DLGAP2: variants seen among roughly 807,000 people sequenced by gnomAD.
The protein encoded by DLGAP2 is DLG associated protein 2, also known as disks large-associated protein 2.
DLGAP2 carries 26 observed loss-of-function variants against 100.3 expected under a neutral mutation model. The observed-to-expected ratio is 0.26, with a 90% confidence interval of 0.19 to 0.36. The LOEUF (loss-of-function observed/expected upper bound fraction) is 0.36. Ranked by LOEUF, DLGAP2 falls within the 10% of genes least tolerant of loss-of-function variation. DLGAP2 has a pLI of 1.00. For missense variants in DLGAP2, 1,858 were observed against 1,453.2 expected (o/e 1.28, Z -4.53); for synonymous variants, 886 against 630.1 (o/e 1.41, Z -6.08).
intron 1 of DLGAP2, among the ~76,000 whole-genome samples, chr8:842,358 C>G (rs1027622787): frequency 2.6e-5 from 4 of 152,216 alleles, no homozygotes; most frequent in African/African-American, 9.6e-5. Flanking sequence ...ATTTACTTTC[C>G]TGGCATATCT....
intron 2 of DLGAP2, among the ~76,000 whole-genome samples, chr8:1,230,991 A>C (rs1798523827): frequency 6.6e-6 from 1 of 152,208 alleles, no homozygotes. Flanking sequence ...CTGCAACAAA[A>C]ACATAAATTG....
At chr8:1,580,694 C>T (rs117259875) in intron 6 of DLGAP2, among the ~76,000 whole-genome samples, 1 of 152,058 alleles carries the variant, frequency 6.6e-6, no homozygotes, top group Admixed American at 6.5e-5. Flanking sequence ...ACACCACAGT[C>T]GAACTACCAG....
chr8:1,519,790 G>T (rs1368608742), intron 4 of DLGAP2, among the ~76,000 whole-genome samples: 1 of 152,288 alleles, frequency 6.6e-6, no homozygotes, highest in South Asian at 2.1e-4. Context: ...GCCCTGTGCT[G>T]CCTGTCACAG....
intron 2 of DLGAP2, among the ~76,000 whole-genome samples, chr8:921,476 T>C (rs1002824873): frequency 3.3e-5 from 5 of 152,222 alleles, no homozygotes; most frequent in African/African-American, 1.2e-4. Flanking sequence ...GATGCACGTC[T>C]ATGAGCATTT....
intron 2 of DLGAP2, among the ~76,000 whole-genome samples, chr8:1,069,489 G>C (rs767808873): frequency 6.6e-6 from 1 of 152,130 alleles, no homozygotes; most frequent in Admixed American, 6.5e-5. Flanking sequence ...AGCAACCGGG[G>C]ACTTGCATTT....
intron 4 of DLGAP2, among the ~76,000 whole-genome samples, chr8:1,522,154 T>TGGTTTCCACGCTTGGCATCTGA (rs1244577774): frequency 6.6e-6 from 1 of 152,214 alleles, no homozygotes; most frequent in Non-Finnish European, 1.5e-5. Context: ...GGAGCATCTT[T>TGGTTTCCACGCTTGGCATCTGA]GGTTTCCACG....
At chr8:1,693,166 T>C (rs1421336259) in intron 13 of DLGAP2, among the ~76,000 whole-genome samples, 3 of 148,090 alleles carry the variant, frequency 2.0e-5, no homozygotes, top group African/African-American at 7.4e-5. Context: ...ATTAACTACA[T>C]ATTTTATATA....
intron 2 of DLGAP2, among the ~76,000 whole-genome samples, chr8:1,149,285 A>G (rs956105781): frequency 1.3e-5 from 2 of 152,056 alleles, no homozygotes; most frequent in South Asian, 2.1e-4. Flanking sequence ...AGTTGGGACT[A>G]CAGGCACCCG....
intron 2 of DLGAP2, among the ~76,000 whole-genome samples, chr8:977,662 G>C (rs1037573843): frequency 6.6e-6 from 1 of 152,150 alleles, no homozygotes; most frequent in Non-Finnish European, 1.5e-5. Context: ...AATATAATTA[G>C]AACATTTTCC....
At chr8:1,150,141 T>A (rs1796672869) in intron 2 of DLGAP2, among the ~76,000 whole-genome samples, 1 of 152,228 alleles carries the variant, frequency 6.6e-6, no homozygotes, top group Non-Finnish European at 1.5e-5. Flanking sequence ...GCTCCCCTAA[T>A]TTTTGCTTTA....
intron 2 of DLGAP2, among the ~76,000 whole-genome samples, chr8:1,195,643 T>G (rs1301591159): frequency 6.6e-6 from 1 of 152,190 alleles, no homozygotes; most frequent in African/African-American, 2.4e-5. Flanking sequence ...ATTAAAAAAT[T>G]ATCTTCCAAA....
At chr8:1,579,806 A>C (rs554732910) in intron 6 of DLGAP2, among the ~76,000 whole-genome samples, 3 of 152,204 alleles carry the variant, frequency 2.0e-5, no homozygotes, top group African/African-American at 7.2e-5. Context: ...GACACGGTAC[A>C]TTGCCTAAGT....
chr8:1,117,097 C>A (rs1305476584), intron 2 of DLGAP2, among the ~76,000 whole-genome samples: 8 of 152,124 alleles, frequency 5.3e-5, no homozygotes. Flanking sequence ...GCAATTTCAT[C>A]TCCTTGGGAC....
At chr8:1,290,603 CACCAGAAAG>C (rs1563064038) in intron 3 of DLGAP2, among the ~76,000 whole-genome samples, 1 of 152,210 alleles carries the variant, frequency 6.6e-6, no homozygotes, top group Non-Finnish European at 1.5e-5. Flanking sequence ...ACAGCGGAGA[CACCAGAAAG>C]ACCAGAAAGG....
At chr8:968,872 A>G (rs1028914569) in intron 2 of DLGAP2, among the ~76,000 whole-genome samples, 1 of 152,026 alleles carries the variant, frequency 6.6e-6, no homozygotes, top group African/African-American at 2.4e-5. Flanking sequence ...TTTTTTCCTC[A>G]TCCACCTTGT....
intron 6 of DLGAP2, among the ~76,000 whole-genome samples, chr8:1,573,177 G>A (rs1459667760): frequency 3.6e-5 from 5 of 138,376 alleles, no homozygotes; most frequent in Admixed American, 7.3e-5. Flanking sequence ...ATGAGATGGA[G>A]ATGAGAGAGG....
intron 3 of DLGAP2, among the ~76,000 whole-genome samples, chr8:1,316,864 A>G (rs1290469584): frequency 1.4e-5 from 2 of 142,370 alleles, no homozygotes; most frequent in African/African-American, 5.5e-5. Flanking sequence ...AGTGGTCTAC[A>G]CTCGAGAAAC....
Position 1,465,253 on chromosome 8 carries a change from G to A in DLGAP2, c.107-36113G>A, listed in dbSNP as rs115731552. 3.5e-3 allele frequency among the ~76,000 whole-genome samples: 530 copies of A among 152,386 alleles called. 5 individuals are homozygous for A. The highest frequency in any genetic ancestry group is 0.012 in the African/African-American group (513 of 41,592). On this transcript the variant is annotated intron_variant, in intron 3 of 14. Transcript: ENST00000637795. ...ACACGTGGGTTCCATTCATTTGCTG[G>A]AGTGGCTCCCGAAACTCTGGGAAGC...
chr8:1,273,438 G>A (rs768975958), intron 3 of DLGAP2, among the ~76,000 whole-genome samples: 3 of 152,176 alleles, frequency 2.0e-5, no homozygotes, highest in Non-Finnish European at 4.4e-5. Context: ...GGGGGTCAAT[G>A]TGCCTTTATG....
Sources: allele counts gnomAD v4.1 joint callset (sites outside exome capture counted in the v4.1 genomes callset), GRCh38; gene constraint gnomAD v4.1.1; transcripts MANE v1.5; gene names NCBI Gene and HGNC (gene_info 2026-07-23, HGNC 2026-07-21).